Variants in SLC24A2 observed in about 807,000 individuals in gnomAD.
SLC24A2 encodes sodium/potassium/calcium exchanger 2.
In SLC24A2, 36 loss-of-function variants were observed where a neutral mutation model predicts 62.0. That is an observed-to-expected ratio of 0.58 (90% CI 0.44 to 0.77). SLC24A2 has a LOEUF of 0.77. SLC24A2 is among the 30% of genes least tolerant of loss of function. The probability of loss-of-function intolerance (pLI) is 0.00; values close to 1 mark genes in which losing one functional copy is unlikely to be tolerated. For missense variants in SLC24A2, 846 were observed against 817.9 expected (o/e 1.03, Z -0.42); for synonymous variants, 358 against 294.0 (o/e 1.22, Z -2.23).
At chr9:19,567,115 A>T (rs12347225) in intron 7 of SLC24A2, among the ~76,000 whole-genome samples, 18,116 of 150,680 alleles carry the variant, frequency 0.12, 1,223 homozygotes, top group African/African-American at 0.18. Context: ...TAATAAAAAA[A>T]ATATATATAT....
At chr9:19,612,755 T>C (rs560474115) in intron 4 of SLC24A2, among the ~76,000 whole-genome samples, 2 of 152,332 alleles carry the variant, frequency 1.3e-5, no homozygotes, top group East Asian at 1.9e-4. Context: ...CTTGTACCTG[T>C]AGTCCCACCT....
At chr9:20,228,268 C>A in the SLC24A2 span, among the ~76,000 whole-genome samples, 1 of 152,104 alleles carries the variant, frequency 6.6e-6, no homozygotes, top group Non-Finnish European at 1.5e-5. Context: ...AGAATCAGGG[C>A]TCAAGGTCAA....
At chr9:20,071,092 C>T in the SLC24A2 span, among the ~76,000 whole-genome samples, 1 of 152,210 alleles carries the variant, frequency 6.6e-6, no homozygotes, top group South Asian at 2.1e-4. Flanking sequence ...AAGTATCTCA[C>T]TCCCTCCTTG....
At chr9:20,009,894 C>T in the SLC24A2 span, among the ~76,000 whole-genome samples, 1 of 152,198 alleles carries the variant, frequency 6.6e-6, no homozygotes, top group Non-Finnish European at 1.5e-5. Context: ...GCCTGTGGCC[C>T]TGCCCACCTT....
intron 2 of SLC24A2, among the ~76,000 whole-genome samples, chr9:19,629,905 T>G (rs1200222770): frequency 6.6e-6 from 1 of 152,214 alleles, no homozygotes; most frequent in East Asian, 1.9e-4. Flanking sequence ...AATTCATTCA[T>G]TTAACAGTAA....
the SLC24A2 span, among the ~76,000 whole-genome samples, chr9:20,228,363 G>A: frequency 1.3e-5 from 2 of 152,008 alleles, no homozygotes; most frequent in Non-Finnish European, 2.9e-5. Flanking sequence ...GCTCTGAGTT[G>A]GGGGTCACAG....
the SLC24A2 span, among the ~76,000 whole-genome samples, chr9:20,148,869 T>C: frequency 6.6e-6 from 1 of 152,082 alleles, no homozygotes; most frequent in African/African-American, 2.4e-5. Context: ...GAAAGCCAAT[T>C]CTATTTAAAT....
chr9:19,536,998 T>C (rs1324094934), intron 8 of SLC24A2, among the ~76,000 whole-genome samples: 1 of 143,304 alleles, frequency 7.0e-6, no homozygotes, highest in Non-Finnish European at 1.5e-5. Context: ...CATAAATGTC[T>C]TCTTTTGAGA....
chr9:19,947,632 T>TA, the SLC24A2 span, among the ~76,000 whole-genome samples: 259 of 150,706 alleles, frequency 1.7e-3, 1 homozygote, highest in African/African-American at 5.6e-3. Context: ...GTACTAAAAA[T>TA]AAAAAAGAAT....
rs148131264 is a variant in SLC24A2 at position 19,758,557 on chromosome 9, T to A, written c.930+27380A>T. Among the ~76,000 whole-genome samples the A allele has an allele frequency of 8.5e-3, 1,293 of 152,276 alleles. 25 individuals carry two copies. Among genetic ancestry groups the A allele is most frequent in the South Asian group, 0.063 (304 of 4,824 alleles). Reference sequence around the variant, plus strand: ...ACAAACAAAAAAAACCCCCTAAGAATTAGAATATAACATTATTTGGAAAAC... The same window carrying A: ...ACAAACAAAAAAAACCCCCTAAGAAATAGAATATAACATTATTTGGAAAAC... On this transcript the variant is annotated intron_variant, in intron 2 of 10. Transcript: ENST00000341998.
chr9:19,788,238 C>A (rs1229810002), intron 1 of SLC24A2, among the ~76,000 whole-genome samples: 1 of 152,224 alleles, frequency 6.6e-6, no homozygotes, highest in Non-Finnish European at 1.5e-5. Flanking sequence ...ACGGAGATTC[C>A]CAGGTGGCTG....
At chr9:19,941,494 C>G in the SLC24A2 span, among the ~76,000 whole-genome samples, 2 of 151,630 alleles carry the variant, frequency 1.3e-5, no homozygotes, top group Non-Finnish European at 2.9e-5. Context: ...CCACCCACTA[C>G]CAAAAAGCAC....
chr9:19,965,281 C>T, the SLC24A2 span, among the ~76,000 whole-genome samples: 568 of 152,192 alleles, frequency 3.7e-3, no homozygotes, highest in South Asian at 6.0e-3. Flanking sequence ...CAAATGCTTG[C>T]CACAGTGCTG....
chr9:20,072,139 G>T, the SLC24A2 span, among the ~76,000 whole-genome samples: 1 of 152,060 alleles, frequency 6.6e-6, no homozygotes, highest in Non-Finnish European at 1.5e-5. Context: ...GCCTTTCATG[G>T]AGACTTCATA....
the SLC24A2 span, among the ~76,000 whole-genome samples, chr9:19,854,261 T>G: frequency 6.6e-6 from 1 of 152,102 alleles, no homozygotes; most frequent in Non-Finnish European, 1.5e-5. Flanking sequence ...GTTCCTGGAT[T>G]TGTTGATTTT....
chr9:20,216,106 T>G, the SLC24A2 span, among the ~76,000 whole-genome samples: 1 of 152,132 alleles, frequency 6.6e-6, no homozygotes, highest in Admixed American at 6.6e-5. Context: ...TAAGAGGGTT[T>G]TTTTCTCCTT....
chr9:20,011,302 C>T, the SLC24A2 span, among the ~76,000 whole-genome samples: 1 of 151,984 alleles, frequency 6.6e-6, no homozygotes, highest in Non-Finnish European at 1.5e-5. Context: ...GATCACCATT[C>T]TAACTGGTGT....
chr9:20,167,612 C>G, the SLC24A2 span, among the ~76,000 whole-genome samples: 1 of 151,974 alleles, frequency 6.6e-6, no homozygotes, highest in East Asian at 1.9e-4. Flanking sequence ...GTCCCTTGGA[C>G]AAATGATTGA....
the SLC24A2 span, among the ~76,000 whole-genome samples, chr9:20,267,789 G>A: frequency 1.3e-5 from 2 of 152,156 alleles, no homozygotes; most frequent in African/African-American, 4.8e-5. Context: ...TTAATTTCAT[G>A]TGTCAAGTAT....
Sources: allele counts gnomAD v4.1 joint callset (sites outside exome capture counted in the v4.1 genomes callset), GRCh38; gene constraint gnomAD v4.1.1; transcripts MANE v1.5; gene names NCBI Gene and HGNC (gene_info 2026-07-23, HGNC 2026-07-21).